The following ITPR2 variants were observed in gnomAD, a reference collection of about 807,000 sequenced individuals.
ITPR2 encodes the protein inositol 1,4,5-trisphosphate-gated calcium channel ITPR2.
Under a neutral mutation model 317.1 loss-of-function variants are expected in ITPR2, and 207 were observed. That is an observed-to-expected ratio of 0.65 (90% CI 0.58 to 0.73). ITPR2 has a LOEUF of 0.73. Ranked by LOEUF, ITPR2 falls within the 30% of genes least tolerant of loss-of-function variation. The pLI is 0.00. For missense variants in ITPR2, 2,613 were observed against 3,284.0 expected, an observed-to-expected ratio of 0.80 and a Z score of 4.99; for synonymous variants, 1,156 against 1,149.1, an observed-to-expected ratio of 1.01 and a Z score of -0.12.
chr12:26,390,574 C>A (rs1308753870), intron 54 of ITPR2, among the ~76,000 whole-genome samples: 1 of 151,850 alleles, frequency 6.6e-6, no homozygotes, highest in East Asian at 1.9e-4. Context: ...AAAGTAGAGC[C>A]GAGGCAGAGA....
At chr12:26,517,636 G>A (rs1305266813) in intron 37 of ITPR2, among the ~76,000 whole-genome samples, 3 of 152,108 alleles carry the variant, frequency 2.0e-5, no homozygotes, top group South Asian at 4.1e-4. Context: ...TCAGAAGCTC[G>A]AGACCAGCCT....
Position 26,602,444 on chromosome 12 carries a change from G to C in ITPR2, c.3604C>G (p.Gln1202Glu). ...LCVQNKKCRN[Q>E]HQRLLKNMGA... ...ATATTTTTCAGTAATCGTTGATGTT[G>C]ATTCCGACACTTTTTATTCTGCACA... The change falls in exon 28 of 57, where the codon CAA (glutamine) becomes GAA (glutamate). Residue 1202 changes from glutamine (Q) to glutamate (E), a missense_variant. Coordinates refer to ENST00000381340, the MANE Select transcript of ITPR2 (RefSeq NM_002223.4). 1.2e-6 allele frequency: 2 copies of C among 1,613,690 alleles called. No individual in the cohort carries two copies.
At chr12:26,339,968 G>A (rs1015134793) in intron 56 of ITPR2, among the ~76,000 whole-genome samples, 199 bp downstream of exon 56, 6 of 152,026 alleles carry the variant, frequency 3.9e-5, no homozygotes, top group African/African-American at 4.8e-5. Context: ...GAGAAGTGTC[G>A]TGTGAGGCTC....
At chr12:26,606,523 G>A (rs2136759635) in intron 26 of ITPR2, among the ~76,000 whole-genome samples, 1 of 146,052 alleles carries the variant, frequency 6.8e-6, no homozygotes, top group Non-Finnish European at 1.5e-5. Context: ...AGTGAATATT[G>A]GTTCTAAAGA....
At chr12:26,537,614 A>C (rs1944134627) in intron 37 of ITPR2, among the ~76,000 whole-genome samples, 1 of 152,220 alleles carries the variant, frequency 6.6e-6, no homozygotes, top group Non-Finnish European at 1.5e-5. Flanking sequence ...GCATTTGATT[A>C]GATTTTAATT....
Position 26,519,944 on chromosome 12 carries a change from T to C in ITPR2, c.5074-24684A>G, listed in dbSNP as rs533930935. Among the ~76,000 whole-genome samples, 6 of 152,296 alleles carry C rather than the reference T, an allele frequency of 3.9e-5. No individual in the cohort carries two copies. In the East Asian group the frequency reaches 1.2e-3, roughly 29 times the overall value. ...AACATACATACTGTGTTTGCTTGTA[T>C]ATACATAAAGAAACTCTGAAAACAT... On this transcript the variant is annotated intron_variant, in intron 37 of 56. Coordinates refer to ENST00000381340, the MANE Select transcript of ITPR2 (RefSeq NM_002223.4).
intron 21 of ITPR2, among the ~76,000 whole-genome samples, chr12:26,645,317 AAAGGGACAAG>A (rs1447565343): frequency 6.6e-6 from 1 of 152,236 alleles, no homozygotes; most frequent in Admixed American, 6.5e-5. Flanking sequence ...ACACAGACAC[AAAGGGACAAG>A]AAGGAAACCT....
rs765771678 is a variant in ITPR2 at position 26,340,160 on chromosome 12, C to A, written c.8019+7G>T. On this transcript the variant is annotated splice_region_variant and intron_variant, in intron 56 of 56. Transcript: ENST00000381340. ...CCACCCAGCCCCATCTCCCTGAATG[C>A]ACCCACCTGCTCCTTGAGCTCCGCC... 2.5e-6 allele frequency: 4 copies of A among 1,594,228 alleles called. No individual in the cohort carries two copies. The African/African-American group carries it at 4.0e-5, about 16-fold the overall frequency.
At chr12:26,343,830 G>A (rs1938215652) in intron 55 of ITPR2, among the ~76,000 whole-genome samples, 1 of 152,114 alleles carries the variant, frequency 6.6e-6, no homozygotes, top group African/African-American at 2.4e-5. Flanking sequence ...CCTTTTCTAG[G>A]GCTCTTAATA....
intron 21 of ITPR2, among the ~76,000 whole-genome samples, chr12:26,639,851 T>C (rs78264919): frequency 0.16 from 24,291 of 152,040 alleles, 2,617 homozygotes; most frequent in Non-Finnish European, 0.23. Context: ...GTGCCACATT[T>C]TCTTAATCCA....
intron 2 of ITPR2, 118 bp from the exon 3 acceptor site, chr12:26,725,883 C>A: frequency 1.5e-6 from 1 of 648,096 alleles, no homozygotes; most frequent in South Asian, 1.9e-5. Context: ...AGTTAAAAGT[C>A]ATATAGTCCG....
At chr12:26,585,317 C>T (rs1945496649) in intron 32 of ITPR2, among the ~76,000 whole-genome samples, 1 of 152,186 alleles carries the variant, frequency 6.6e-6, no homozygotes, top group Non-Finnish European at 1.5e-5. Context: ...AAAATAATCT[C>T]AGTGACTTTA....
At chr12:26,828,580 C>T (rs1480584469) in intron 1 of ITPR2, among the ~76,000 whole-genome samples, 1 of 152,160 alleles carries the variant, frequency 6.6e-6, no homozygotes, top group African/African-American at 2.4e-5. Context: ...AGGATAAAAG[C>T]ATCAGATGTT....
chr12:26,668,189 G>A (rs1324093956), intron 13 of ITPR2, among the ~76,000 whole-genome samples: 1 of 152,224 alleles, frequency 6.6e-6, no homozygotes, highest in Non-Finnish European at 1.5e-5. Flanking sequence ...AAAACACAGT[G>A]AGGAACAGGG....
At chr12:26,784,658 G>A (rs1486017796) in intron 2 of ITPR2, among the ~76,000 whole-genome samples, 1 of 151,612 alleles carries the variant, frequency 6.6e-6, no homozygotes, top group Non-Finnish European at 1.5e-5. Flanking sequence ...ATGGTGCCCA[G>A]GCTGGAGTGC....
chr12:26,657,635 G>A, intron 18 of ITPR2, 72 bp downstream of exon 18: 1 of 1,317,112 alleles, frequency 7.6e-7, no homozygotes, highest in Non-Finnish European at 1.1e-6. Context: ...CCTAACTAGT[G>A]GCTACAGAGA....
At chr12:26,565,481 A>T (rs1457367932) in intron 34 of ITPR2, among the ~76,000 whole-genome samples, 2 of 141,236 alleles carry the variant, frequency 1.4e-5, no homozygotes, top group Non-Finnish European at 1.5e-5. Flanking sequence ...ATAGATAGAC[A>T]GATGATAGAT....
At chr12:26,731,633 C>T (rs1230867422) in intron 2 of ITPR2, among the ~76,000 whole-genome samples, 2 of 151,884 alleles carry the variant, frequency 1.3e-5, no homozygotes, top group Non-Finnish European at 2.9e-5. Context: ...CCTGTCTCTA[C>T]GAAAAAATTT....
At chr12:26,775,857 C>T (rs573682825) in intron 2 of ITPR2, among the ~76,000 whole-genome samples, 1 of 149,990 alleles carries the variant, frequency 6.7e-6, no homozygotes, top group South Asian at 2.1e-4. Flanking sequence ...GGCTTCCTTG[C>T]TCCTCAGCTT....
Sources: gnomAD v4.1 joint callset for allele counts (sites outside exome capture counted in the v4.1 genomes callset) on GRCh38, gnomAD v4.1.1 for gene constraint, MANE v1.5 for transcripts, NCBI Gene and HGNC (gene_info 2026-07-23, HGNC 2026-07-21) for gene names.